Variants in ADCY2 observed in about 807,000 individuals in gnomAD.
The protein encoded by ADCY2 is adenylate cyclase 2.
A neutral mutation model predicts 125.2 loss-of-function variants in ADCY2; 31 were observed. The ratio of observed to expected loss-of-function variants is 0.25; its 90% CI spans 0.19 to 0.33. The LOEUF (loss-of-function observed/expected upper bound fraction) is 0.33, where lower values mean the gene tolerates loss of function less well. Among genes scored for constraint, ADCY2 ranks in the 10% least tolerant of loss-of-function variants. The pLI is 1.00. For missense variants in ADCY2, 904 were observed against 1,418.2 expected (o/e 0.64, Z 5.82); for synonymous variants, 512 against 548.4 (o/e 0.93, Z 0.93).
rs115397003 is a variant in ADCY2, at chr5:7,582,508, C to A, written c.571-43659C>A. 7.5e-3 allele frequency among the ~76,000 whole-genome samples: 1,135 copies of A among 152,070 alleles called. 13 individuals carry two copies. Among genetic ancestry groups the A allele is most frequent in the African/African-American group, 0.026 (1,070 of 41,506 alleles). ...CCCATATTCCAGATGAATTTATACA[C>A]AAAATTCTTACTAAAATCTTAGCAA... On this transcript the variant is annotated intron_variant, in intron 3 of 24. Coordinates refer to ENST00000338316, the MANE Select transcript of ADCY2 (RefSeq NM_020546.3).
chr5:7,728,046 T>C (rs551725837), intron 14 of ADCY2, among the ~76,000 whole-genome samples: 68 of 152,278 alleles, frequency 4.5e-4, no homozygotes, highest in South Asian at 1.7e-3. Flanking sequence ...GATAGATTTT[T>C]TTTTCCTTCT....
At chr5:7,588,889 A>G (rs1324853157) in intron 3 of ADCY2, among the ~76,000 whole-genome samples, 1 of 152,206 alleles carries the variant, frequency 6.6e-6, no homozygotes, top group African/African-American at 2.4e-5. Context: ...AAATAATACG[A>G]CACGTAAGTA....
At chr5:7,559,739 C>A (rs34774166) in intron 3 of ADCY2, among the ~76,000 whole-genome samples, 22,195 of 152,154 alleles carry the variant, frequency 0.15, 2,154 homozygotes, top group Non-Finnish European at 0.21. Context: ...GAGAGGACAT[C>A]CTTTTCTTGT....
chr5:7,534,079 C>T (rs1336359256), intron 3 of ADCY2, among the ~76,000 whole-genome samples: 2 of 152,220 alleles, frequency 1.3e-5, no homozygotes, highest in Admixed American at 1.3e-4. Flanking sequence ...AGCAGGGGCT[C>T]CTGCCAGCGT....
intron 20 of ADCY2, chr5:7,798,784 G>T (rs1250932223): frequency 6.6e-6 from 1 of 151,690 alleles, no homozygotes; most frequent in Non-Finnish European, 1.5e-5. Flanking sequence ...TTTCACCATG[G>T]TCTCAATCTC....
chr5:7,768,796 CTATCTT>C (rs1743471979), intron 17 of ADCY2, among the ~76,000 whole-genome samples: 1 of 152,198 alleles, frequency 6.6e-6, no homozygotes, highest in African/African-American at 2.4e-5. Context: ...AAACAGGCTA[CTATCTT>C]TCCAATCATG....
chr5:7,762,614 T>A (rs111560401), intron 16 of ADCY2, among the ~76,000 whole-genome samples: 87 of 152,386 alleles, frequency 5.7e-4, no homozygotes, highest in African/African-American at 2.1e-3. Flanking sequence ...TTTACCTACA[T>A]GCAGTTCAAT....
intron 2 of ADCY2, among the ~76,000 whole-genome samples, chr5:7,482,184 G>C (rs183134757): frequency 2.6e-5 from 4 of 152,150 alleles, no homozygotes; most frequent in Non-Finnish European, 4.4e-5. Context: ...CAGTGACACT[G>C]AGCATTTTTT....
intron 21 of ADCY2, among the ~76,000 whole-genome samples, chr5:7,804,277 G>A (rs1744692107): frequency 6.6e-6 from 1 of 152,152 alleles, no homozygotes; most frequent in African/African-American, 2.4e-5. Flanking sequence ...ACATAGTCAG[G>A]AAATTTATTC....
intron 2 of ADCY2, among the ~76,000 whole-genome samples, chr5:7,421,757 T>C (rs1233446559): frequency 6.6e-6 from 1 of 152,218 alleles, no homozygotes; most frequent in Non-Finnish European, 1.5e-5. Flanking sequence ...GATGTTGACT[T>C]TCCCTTAACC....
At chr5:7,673,269 A>AAAAAAAAT (rs1554030659) in intron 4 of ADCY2, among the ~76,000 whole-genome samples, 1 of 3,930 alleles carries the variant, frequency 2.5e-4, no homozygotes, top group African/African-American at 6.4e-4. Flanking sequence ...AAAAAAAAAA[A>AAAAAAAAT]ATATATATAT....
chr5:7,790,985 T>A (rs145324080), intron 20 of ADCY2, among the ~76,000 whole-genome samples: 26 of 152,132 alleles, frequency 1.7e-4, no homozygotes, highest in African/African-American at 6.3e-4. Flanking sequence ...CCTGTGAAGA[T>A]CAGCTATTAA....
chr5:7,462,207 A>G lies in ADCY2; in HGVS notation c.408+47437A>G, dbSNP rs551425380. Among the ~76,000 whole-genome samples the G allele has an allele frequency of 8.5e-5, 13 of 152,354 alleles. No individual in the cohort carries two copies. The South Asian group carries it at 2.7e-3, about 32-fold the overall frequency. ...TTAGCAACAGCAGACGAACCCAAACACTGTCTCTTAGTGCGTCTAACCTTA... is the reference window on the plus strand; with the variant it reads ...TTAGCAACAGCAGACGAACCCAAACGCTGTCTCTTAGTGCGTCTAACCTTA... On this transcript the variant is annotated intron_variant, in intron 2 of 24. Coordinates refer to ENST00000338316, the MANE Select transcript of ADCY2 (RefSeq NM_020546.3).
intron 2 of ADCY2, among the ~76,000 whole-genome samples, chr5:7,466,047 C>G (rs1419399074): frequency 6.6e-6 from 1 of 152,152 alleles, no homozygotes; most frequent in African/African-American, 2.4e-5. Context: ...AATAGCTTTT[C>G]CTCCTTTTAG....
chr5:7,818,305 T>G (rs1414133792), intron 23 of ADCY2, among the ~76,000 whole-genome samples: 1 of 152,176 alleles, frequency 6.6e-6, no homozygotes, highest in East Asian at 1.9e-4. Flanking sequence ...GTTTCTCCAC[T>G]TGTACTATTA....
intron 12 of ADCY2, among the ~76,000 whole-genome samples, chr5:7,717,826 C>G (rs1260573452): frequency 6.6e-6 from 1 of 152,168 alleles, no homozygotes; most frequent in Admixed American, 6.5e-5. Flanking sequence ...GCGCTCATCA[C>G]CCTTCATGTT....
rs897696050 is a variant in ADCY2, at chr5:7,459,385, T to A, written c.408+44615T>A. Reference sequence around the variant, plus strand: ...GTCAGGGGTGTCTTGCGGTTGCTGTTTCTTTTCACGGATGTGCACAGGTGA... The same window carrying A: ...GTCAGGGGTGTCTTGCGGTTGCTGTATCTTTTCACGGATGTGCACAGGTGA... On this transcript the variant is annotated intron_variant, in intron 2 of 24. Transcript: ENST00000338316. Among the ~76,000 whole-genome samples, 8 of 152,316 alleles carry A rather than the reference T, an allele frequency of 5.3e-5. No individual in the cohort carries two copies. The East Asian group carries it at 1.5e-3, about 29-fold the overall frequency.
At chr5:7,630,156 C>T (rs1414263667) in intron 4 of ADCY2, among the ~76,000 whole-genome samples, 1 of 152,024 alleles carries the variant, frequency 6.6e-6, no homozygotes, top group African/African-American at 2.4e-5. Context: ...TGGCTGTAGT[C>T]TTTCTGGCTG....
intron 3 of ADCY2, among the ~76,000 whole-genome samples, chr5:7,602,768 A>G (rs1452678441): frequency 6.6e-6 from 1 of 152,194 alleles, no homozygotes. Flanking sequence ...AGCAAACTCC[A>G]TGTTAACAGA....
Sources: allele counts gnomAD v4.1 joint callset (sites outside exome capture counted in the v4.1 genomes callset), GRCh38; gene constraint gnomAD v4.1.1; transcripts MANE v1.5; gene names NCBI Gene and HGNC (gene_info 2026-07-23, HGNC 2026-07-21).